The following ATRNL1 variants were observed in gnomAD, a reference collection of about 807,000 sequenced individuals.
The protein encoded by ATRNL1 is attractin like 1.
ATRNL1 carries 95 observed loss-of-function variants against 182.7 expected under a neutral mutation model. The observed-to-expected ratio is 0.52, with a 90% CI of 0.44 to 0.62. The LOEUF (loss-of-function observed/expected upper bound fraction) is 0.62, where lower values mean the gene tolerates loss of function less well. Ranked by LOEUF, ATRNL1 falls within the 20% of genes least tolerant of loss-of-function variation. The pLI is 0.00. For missense variants in ATRNL1, 1,471 were observed against 1,679.5 expected (o/e 0.88, Z 2.17); for synonymous variants, 576 against 568.3 (o/e 1.01, Z -0.19).
At chr10:115,142,970 A>G (rs1845812547) in intron 5 of ATRNL1, among the ~76,000 whole-genome samples, 1 of 152,184 alleles carries the variant, frequency 6.6e-6, no homozygotes, top group South Asian at 2.1e-4. Flanking sequence ...GCCAAGTTAG[A>G]GATATCTTTG....
chr10:115,129,259 A>G (rs1845116708), intron 4 of ATRNL1, 68 bp from the exon 5 acceptor site: 4 of 1,164,676 alleles, frequency 3.4e-6, no homozygotes, highest in Non-Finnish European at 3.8e-6. Context: ...TATAAAGTTT[A>G]TGATGTATCA....
chr10:115,282,110 A>G (rs1852391242), intron 14 of ATRNL1, among the ~76,000 whole-genome samples: 1 of 146,202 alleles, frequency 6.8e-6, no homozygotes, highest in Non-Finnish European at 1.5e-5. Flanking sequence ...AACTAAATAT[A>G]TAATTTATAT....
chr10:115,556,928 A>C (rs556537165), intron 26 of ATRNL1, among the ~76,000 whole-genome samples: 5 of 151,284 alleles, frequency 3.3e-5, no homozygotes, highest in Non-Finnish European at 7.4e-5. Flanking sequence ...CTACTGTTCC[A>C]TCCCCATCAG....
intron 5 of ATRNL1, among the ~76,000 whole-genome samples, chr10:115,143,546 T>A (rs1470121971): frequency 6.6e-6 from 1 of 152,164 alleles, no homozygotes; most frequent in Non-Finnish European, 1.5e-5. Context: ...ACAATTGGCA[T>A]TTATTCCTCA....
chr10:115,605,561 T>G (rs1555017353), intron 26 of ATRNL1, among the ~76,000 whole-genome samples: 1 of 152,064 alleles, frequency 6.6e-6, no homozygotes, highest in Non-Finnish European at 1.5e-5. Flanking sequence ...TATGAGGGAA[T>G]TAAATCTATT....
At chr10:115,726,377 C>T (rs1461842992) in intron 26 of ATRNL1, among the ~76,000 whole-genome samples, 6 of 145,466 alleles carry the variant, frequency 4.1e-5, no homozygotes, top group Non-Finnish European at 7.6e-5. Flanking sequence ...TTGCATCACA[C>T]GTCCTATTTT....
intron 19 of ATRNL1, among the ~76,000 whole-genome samples, chr10:115,368,078 GT>G (rs1857159904): frequency 6.6e-6 from 1 of 152,210 alleles, no homozygotes; most frequent in African/African-American, 2.4e-5. Context: ...TGGCTGCTTT[GT>G]TTACCTAAGC....
At chr10:115,588,182 C>T (rs11197321) in intron 26 of ATRNL1, among the ~76,000 whole-genome samples, 72,388 of 151,886 alleles carry the variant, frequency 0.48, 18,713 homozygotes, top group East Asian at 0.84. Flanking sequence ...TTTGGCTCTC[C>T]GGAATCATTC....
At chr10:115,453,655 G>C (rs1554968091) in intron 21 of ATRNL1, among the ~76,000 whole-genome samples, 1 of 151,974 alleles carries the variant, frequency 6.6e-6, no homozygotes, top group African/African-American at 2.4e-5. Flanking sequence ...TAGGGACATG[G>C]ATGAAATTGG....
intron 26 of ATRNL1, among the ~76,000 whole-genome samples, chr10:115,718,789 G>T (rs1427808819): frequency 6.6e-6 from 1 of 152,178 alleles, no homozygotes; most frequent in Non-Finnish European, 1.5e-5. Flanking sequence ...TAGCTTTGTT[G>T]CTTTTAACTC....
At chr10:115,714,407 C>T (rs1947183955) in intron 26 of ATRNL1, among the ~76,000 whole-genome samples, 1 of 152,076 alleles carries the variant, frequency 6.6e-6, no homozygotes, top group African/African-American at 2.4e-5. Flanking sequence ...CCAGGTACCA[C>T]CCTAGAACAG....
intron 9 of ATRNL1, among the ~76,000 whole-genome samples, chr10:115,232,144 A>G (rs895293076): frequency 6.6e-6 from 1 of 152,168 alleles, no homozygotes; most frequent in East Asian, 1.9e-4. Context: ...AATAGTATAA[A>G]TGCTTGTTCA....
At chr10:115,630,151 G>A (rs1592975023) in intron 26 of ATRNL1, among the ~76,000 whole-genome samples, 1 of 151,828 alleles carries the variant, frequency 6.6e-6, no homozygotes, top group East Asian at 1.9e-4. Context: ...GAATTTTATG[G>A]TTTCAATTCT....
At chr10:115,713,445 G>GTT (rs1555055163) in intron 26 of ATRNL1, among the ~76,000 whole-genome samples, 3 of 111,114 alleles carry the variant, frequency 2.7e-5, no homozygotes, top group Non-Finnish European at 3.6e-5. Context: ...GAAAGTGGCT[G>GTT]TGTGTGTGTG....
chr10:115,152,494 A>C (rs1846285561), intron 5 of ATRNL1, among the ~76,000 whole-genome samples: 1 of 152,078 alleles, frequency 6.6e-6, no homozygotes, highest in South Asian at 2.1e-4. Flanking sequence ...ATGGGAGTTC[A>C]CTCATGATTT....
intron 27 of ATRNL1, among the ~76,000 whole-genome samples, chr10:115,809,446 T>C (rs1565398382): frequency 6.6e-6 from 1 of 152,078 alleles, no homozygotes. Context: ...TCTTCTAAGC[T>C]ACAAGTTAAA....
intron 19 of ATRNL1, among the ~76,000 whole-genome samples, chr10:115,355,384 C>CT (rs1856458107): frequency 6.6e-6 from 1 of 152,068 alleles, no homozygotes; most frequent in African/African-American, 2.4e-5. Context: ...CCCAGGTATG[C>CT]TGTACTCTTG....
At chr10:115,287,591 T>C (rs1364552282) in intron 15 of ATRNL1, among the ~76,000 whole-genome samples, 1 of 152,116 alleles carries the variant, frequency 6.6e-6, no homozygotes, top group Non-Finnish European at 1.5e-5. Flanking sequence ...CACTGAAGAA[T>C]TGTATGTATT....
chr10:115,150,879 C>G (rs1846194376), intron 5 of ATRNL1, among the ~76,000 whole-genome samples: 1 of 152,142 alleles, frequency 6.6e-6, no homozygotes, highest in African/African-American at 2.4e-5. Flanking sequence ...CCTGCTCCCC[C>G]CACCCCACGA....
Sources: allele counts gnomAD v4.1 joint callset (sites outside exome capture counted in the v4.1 genomes callset), GRCh38; gene constraint gnomAD v4.1.1; transcripts MANE v1.5; gene names NCBI Gene and HGNC (gene_info 2026-07-23, HGNC 2026-07-21).